Variants in SORCS1 observed in about 807,000 individuals in gnomAD.
The protein encoded by SORCS1 is VPS10 domain-containing receptor SorCS1.
Under a neutral mutation model 146.1 loss-of-function variants are expected in SORCS1, and 60 were observed. The observed-to-expected ratio is 0.41, with a 90% confidence interval of 0.33 to 0.51. The LOEUF is 0.51. Among genes scored for constraint, SORCS1 ranks in the 20% least tolerant of loss-of-function variants. The probability of loss-of-function intolerance (pLI) is 0.21; values close to 1 mark genes in which losing one functional copy is unlikely to be tolerated. For missense variants in SORCS1, 1,352 were observed against 1,487.6 expected (o/e 0.91, Z 1.50); for synonymous variants, 637 against 584.0 (o/e 1.09, Z -1.31).
chr10:106,758,741 A>G (rs1407479163), intron 5 of SORCS1, among the ~76,000 whole-genome samples: 2 of 152,222 alleles, frequency 1.3e-5, no homozygotes, highest in African/African-American at 2.4e-5. Flanking sequence ...AATTAGTAAG[A>G]GAGGGAGAAA....
At chr10:106,618,911 G>C (rs1053135073) in intron 20 of SORCS1, among the ~76,000 whole-genome samples, 2 of 152,170 alleles carry the variant, frequency 1.3e-5, no homozygotes, top group Middle Eastern at 3.4e-3. Flanking sequence ...AAAATTTGGC[G>C]TGGTGCCTGC....
chr10:106,810,829 A>ACT (rs1176504876), intron 3 of SORCS1, among the ~76,000 whole-genome samples: 1 of 151,696 alleles, frequency 6.6e-6, no homozygotes, highest in East Asian at 1.9e-4. Context: ...ATGTCTATGT[A>ACT]CTCTCCTTCA....
At position 107,151,939 on chromosome 10, in the gene SORCS1, G is replaced by T. The variant is rs143786867; in HGVS notation, c.558+12030C>A. ...AGACAATGGGAAAAATGTCTCCAGGGCATGTCAGAGACCTTCACAGCAGGC... is the reference window on the plus strand; with the variant it reads ...AGACAATGGGAAAAATGTCTCCAGGTCATGTCAGAGACCTTCACAGCAGGC... On this transcript the variant is annotated intron_variant, in intron 1 of 25. Coordinates refer to ENST00000263054, the MANE Select transcript of SORCS1 (RefSeq NM_052918.5). Among the ~76,000 whole-genome samples, 214 of 152,216 alleles carry T rather than the reference G, an allele frequency of 1.4e-3. 1 individual carries two copies. The highest frequency in any genetic ancestry group is 5.0e-3 in the African/African-American group (209 of 41,524).
intron 2 of SORCS1, among the ~76,000 whole-genome samples, chr10:106,880,497 C>T (rs1950766944): frequency 6.6e-6 from 1 of 152,094 alleles, no homozygotes; most frequent in African/African-American, 2.4e-5. Flanking sequence ...GAGAAGGATA[C>T]AGTCTGTTAA....
intron 2 of SORCS1, among the ~76,000 whole-genome samples, chr10:106,941,970 G>A (rs1397305607): frequency 6.6e-6 from 1 of 152,130 alleles, no homozygotes; most frequent in African/African-American, 2.4e-5. Flanking sequence ...TGTGGAGGTG[G>A]GTTGTCACTC....
intron 2 of SORCS1, among the ~76,000 whole-genome samples, chr10:106,887,380 A>T (rs999998765): frequency 6.6e-6 from 1 of 152,212 alleles, no homozygotes; most frequent in African/African-American, 2.4e-5. Context: ...CATGCCTGAC[A>T]TTCAGTAATT....
chr10:106,750,793 C>T (rs1301134329), intron 5 of SORCS1, among the ~76,000 whole-genome samples: 16 of 124,320 alleles, frequency 1.3e-4, no homozygotes, highest in Non-Finnish European at 1.3e-4. Context: ...GGCGCTGTGG[C>T]TCATGCCTGT....
intron 3 of SORCS1, among the ~76,000 whole-genome samples, chr10:106,795,336 T>A (rs563170554): frequency 6.6e-6 from 1 of 152,120 alleles, no homozygotes; most frequent in South Asian, 2.1e-4. Context: ...AGAACTAAGG[T>A]TCTGAGAAAC....
intron 17 of SORCS1, among the ~76,000 whole-genome samples, chr10:106,666,594 T>C (rs190861224): frequency 1.3e-5 from 2 of 149,614 alleles, no homozygotes; most frequent in African/African-American, 5.0e-5. Flanking sequence ...TCTTACTCGG[T>C]CACCCAGGCT....
Position 106,597,446 on chromosome 10 carries a change from G to T in SORCS1, c.3170C>A (p.Ser1057Ter). Residue 1057 changes from serine to a stop codon, truncating the protein, a stop_gained, in exon 24 of 26, where the codon TCA (serine) becomes TAA (stop). Transcript: ENST00000263054. LOFTEE classifies it high-confidence loss of function. ...KRSTDDLEQI[S>*]ELLIHTLNQN... ...GTTGAGCGTGTGGATCAGCAATTCT[G>T]ATATCTGAAAAAAGAAGCATAGTTA... The T allele has an allele frequency of 6.2e-7, 1 of 1,613,098 alleles. No homozygotes were observed. The highest frequency in any genetic ancestry group is 1.1e-5 in the South Asian group (1 of 91,016).
intron 1 of SORCS1, among the ~76,000 whole-genome samples, chr10:107,074,518 T>G (rs1962718873): frequency 1.3e-5 from 2 of 152,152 alleles, no homozygotes; most frequent in Admixed American, 1.3e-4. Context: ...GGTGTACAAG[T>G]TTTCGTGTGG....
intron 2 of SORCS1, among the ~76,000 whole-genome samples, chr10:106,949,102 T>G (rs1954532888): frequency 6.6e-6 from 1 of 152,226 alleles, no homozygotes; most frequent in African/African-American, 2.4e-5. Flanking sequence ...GGATCCTGCC[T>G]GAACGCTTGA....
intron 1 of SORCS1, among the ~76,000 whole-genome samples, chr10:107,082,902 C>T (rs187098052): frequency 6.6e-6 from 1 of 151,790 alleles, no homozygotes; most frequent in Non-Finnish European, 1.5e-5. Context: ...TCAGGAGATC[C>T]CAGACCACCC....
intron 1 of SORCS1, among the ~76,000 whole-genome samples, chr10:107,138,985 GAA>G (rs781562717): frequency 4.6e-5 from 7 of 152,172 alleles, no homozygotes; most frequent in Non-Finnish European, 8.8e-5. Flanking sequence ...TTTTGTGTGA[GAA>G]ATTCCTCTGG....
At chr10:106,805,985 G>A (rs1403933693) in intron 3 of SORCS1, among the ~76,000 whole-genome samples, 17 of 150,592 alleles carry the variant, frequency 1.1e-4, no homozygotes, top group Non-Finnish European at 1.9e-4. Flanking sequence ...GCGTGAACCC[G>A]GGAGGCAGAG....
At chr10:107,050,455 T>C (rs1472665649) in intron 1 of SORCS1, among the ~76,000 whole-genome samples, 2 of 152,194 alleles carry the variant, frequency 1.3e-5, no homozygotes, top group African/African-American at 4.8e-5. Context: ...TTTCTGATTC[T>C]GAAGGATGTA....
chr10:107,153,454 A>G (rs35523811), intron 1 of SORCS1, among the ~76,000 whole-genome samples: 5,733 of 152,298 alleles, frequency 0.038, 143 homozygotes, highest in Middle Eastern at 0.068. Context: ...ATATTGTTTA[A>G]CTGGGTGAAT....
chr10:107,136,512 GA>G (rs1384720012), intron 1 of SORCS1, among the ~76,000 whole-genome samples: 1 of 151,752 alleles, frequency 6.6e-6, no homozygotes, highest in African/African-American at 2.4e-5. Flanking sequence ...TTTCAGTGCA[GA>G]AAAAAAACAA....
At chr10:106,956,236 A>G (rs1954935141) in intron 2 of SORCS1, among the ~76,000 whole-genome samples, 1 of 152,172 alleles carries the variant, frequency 6.6e-6, no homozygotes, top group African/African-American at 2.4e-5. Flanking sequence ...GCTCCAATAA[A>G]CTCACAGGTC....
Sources: allele counts gnomAD v4.1 joint callset (sites outside exome capture counted in the v4.1 genomes callset), GRCh38; gene constraint gnomAD v4.1.1; transcripts MANE v1.5; gene names NCBI Gene and HGNC (gene_info 2026-07-23, HGNC 2026-07-21).